Variants in PSD3 observed in about 807,000 individuals in gnomAD.
The protein encoded by PSD3 is pleckstrin and Sec7 domain containing 3, also known as PH and SEC7 domain-containing protein 3.
Under a neutral mutation model 105.5 loss-of-function variants are expected in PSD3, and 49 were observed. The ratio of observed to expected loss-of-function variants is 0.46; its 90% CI spans 0.37 to 0.59. PSD3 has a LOEUF of 0.59. Among genes scored for constraint, PSD3 ranks in the 20% least tolerant of loss-of-function variants. The probability of loss-of-function intolerance (pLI) is 0.00; values close to 1 mark genes in which losing one functional copy is unlikely to be tolerated. For missense variants in PSD3, 1,561 were observed against 1,263.8 expected (o/e 1.24, Z -3.57); for synonymous variants, 557 against 457.8 (o/e 1.22, Z -2.77).
At chr8:19,012,497 C>A (rs1826997920) in intron 1 of PSD3, among the ~76,000 whole-genome samples, 1 of 152,144 alleles carries the variant, frequency 6.6e-6, no homozygotes, top group Non-Finnish European at 1.5e-5. Context: ...TCACAAAAAT[C>A]CAATCAACCC....
intron 9 of PSD3, among the ~76,000 whole-genome samples, chr8:18,730,942 TAATG>T (rs1803701838): frequency 6.6e-6 from 1 of 152,138 alleles, no homozygotes; most frequent in Non-Finnish European, 1.5e-5. Flanking sequence ...AGGTCGAAAG[TAATG>T]TTTATTTTTA....
intron 15 of PSD3, among the ~76,000 whole-genome samples, chr8:18,540,504 T>C (rs112160716): frequency 3.0e-4 from 45 of 152,292 alleles, no homozygotes; most frequent in African/African-American, 1.1e-3. Context: ...AATTTGACAA[T>C]AAAAGCTTTG....
intron 12 of PSD3, among the ~76,000 whole-genome samples, chr8:18,585,149 T>A (rs1304007101): frequency 6.6e-6 from 1 of 152,074 alleles, no homozygotes; most frequent in Non-Finnish European, 1.5e-5. Flanking sequence ...CTATCTGAAG[T>A]GGAAACAAAG....
At position 18,916,054 on chromosome 8, in the gene PSD3, C is replaced by A. The variant is rs549123701; in HGVS notation, c.130+19980G>T. On this transcript the variant is annotated intron_variant, in intron 2 of 15. Coordinates refer to ENST00000327040, the MANE Select transcript of PSD3 (RefSeq NM_015310.4). ...GAGGTTGCAGTGAGCGGAGATCGTGCCATTGCACTCCAGCCTGGGCAAAAA... is the reference window on the plus strand; with the variant it reads ...GAGGTTGCAGTGAGCGGAGATCGTGACATTGCACTCCAGCCTGGGCAAAAA... 1.1e-4 allele frequency among the ~76,000 whole-genome samples: 16 copies of A among 151,922 alleles called. No homozygotes were observed. In the South Asian group the frequency reaches 3.3e-3, roughly 32 times the overall value.
chr8:18,865,273 TATATATATATATA>T (rs1554524870), intron 4 of PSD3: 40 of 3,928 alleles, frequency 0.01, 2 homozygotes, highest in African/African-American at 0.021. Flanking sequence ...TATATATATA[TATATATATATATA>T]TTTTTTTTTT....
At chr8:18,954,811 A>T (rs1403910745) in intron 1 of PSD3, among the ~76,000 whole-genome samples, 1 of 152,198 alleles carries the variant, frequency 6.6e-6, no homozygotes, top group East Asian at 1.9e-4. Flanking sequence ...ATTCTGATAC[A>T]GACGGTTCAA....
intron 8 of PSD3, among the ~76,000 whole-genome samples, chr8:18,779,088 T>G (rs931087031): frequency 6.6e-6 from 1 of 152,158 alleles, no homozygotes; most frequent in Non-Finnish European, 1.5e-5. Context: ...GGGCTCAAGC[T>G]TTTCTCTGTT....
Position 18,693,319 on chromosome 8 carries a change from C to G in PSD3, c.2173-37634G>C, listed in dbSNP as rs151317333. ...CCAAGCCCCAAATCATGGTTTCTAC[C>G]AGGTCAACAGCACATAAGGCGGCAG... is the stretch of plus-strand genomic sequence containing the variant. On this transcript the variant is annotated intron_variant, in intron 9 of 15. Transcript: ENST00000327040. 1.1e-3 allele frequency among the ~76,000 whole-genome samples: 172 copies of G among 152,286 alleles called. 3 individuals are homozygous for G. The highest frequency in any genetic ancestry group is 2.7e-3 in the Admixed American group (41 of 15,288).
intron 9 of PSD3, chr8:18,721,000 A>G (rs1293890768): frequency 6.6e-6 from 1 of 152,182 alleles, no homozygotes; most frequent in Non-Finnish European, 1.5e-5. Context: ...TTCATCTGTC[A>G]ATGTGAACAA....
intron 1 of PSD3, among the ~76,000 whole-genome samples, chr8:18,962,777 A>G (rs1408311268): frequency 6.6e-6 from 1 of 152,244 alleles, no homozygotes; most frequent in Non-Finnish European, 1.5e-5. Flanking sequence ...CAATGGGCTA[A>G]CAACTTTATC....
At chr8:18,917,082 C>A (rs768083159) in intron 2 of PSD3, among the ~76,000 whole-genome samples, 1 of 152,164 alleles carries the variant, frequency 6.6e-6, no homozygotes, top group Non-Finnish European at 1.5e-5. Flanking sequence ...TCCCTCCCAT[C>A]CACCCAGCTG....
At chr8:19,048,477 A>C (rs1828402460) in intron 1 of PSD3, among the ~76,000 whole-genome samples, 1 of 152,260 alleles carries the variant, frequency 6.6e-6, no homozygotes, top group Admixed American at 6.5e-5. Context: ...AAGGGGGCTC[A>C]GCTGCTGAAT....
intron 10 of PSD3, among the ~76,000 whole-genome samples, chr8:18,634,137 GT>G (rs1484624360): frequency 2.6e-5 from 4 of 151,888 alleles, no homozygotes; most frequent in Admixed American, 2.6e-4. Context: ...TTGTTGAATT[GT>G]TTAGGTTCCT....
chr8:18,885,888 TC>T (rs2129459100), intron 2 of PSD3, among the ~76,000 whole-genome samples: 1 of 152,302 alleles, frequency 6.6e-6, no homozygotes, highest in East Asian at 1.9e-4. Flanking sequence ...GTTACAAACT[TC>T]CAGTAAAGAT....
chr8:18,587,933 T>G (rs1411982374), intron 12 of PSD3, among the ~76,000 whole-genome samples: 3 of 152,146 alleles, frequency 2.0e-5, no homozygotes, highest in East Asian at 3.9e-4. Flanking sequence ...CACATGCTGG[T>G]AGATTAGGCT....
rs539485311 is a variant in PSD3 at position 19,070,855 on chromosome 8, T to C, written c.324+13351A>G. On this transcript the variant is annotated intron_variant, in intron 1 of 1. Transcript: ENST00000521475. ...TTGAATCCAGGACATTGTATCCAGA[T>C]AATCAATCTAGGTGTATTCATCCAT... is the stretch of plus-strand genomic sequence containing the variant. Among the ~76,000 whole-genome samples, 26 of 152,332 alleles carry C rather than the reference T, an allele frequency of 1.7e-4. No individual in the cohort carries two copies. The South Asian group carries it at 4.8e-3, about 28-fold the overall frequency.
At chr8:18,795,094 T>A (rs1220842095) in intron 8 of PSD3, among the ~76,000 whole-genome samples, 2 of 152,294 alleles carry the variant, frequency 1.3e-5, no homozygotes, top group East Asian at 3.9e-4. Context: ...AACTCCACAT[T>A]TTTTTAACAC....
chr8:18,689,451 G>A (rs998687869), intron 9 of PSD3, among the ~76,000 whole-genome samples: 1 of 152,148 alleles, frequency 6.6e-6, no homozygotes, highest in Non-Finnish European at 1.5e-5. Context: ...ATGAACTCTG[G>A]AGAAAAGCTA....
chr8:18,561,373 G>A (rs1348709042), intron 14 of PSD3, among the ~76,000 whole-genome samples: 1 of 152,098 alleles, frequency 6.6e-6, no homozygotes, highest in Non-Finnish European at 1.5e-5. Flanking sequence ...AAGTAAGACC[G>A]GCACAGAAAG....
Sources: allele counts gnomAD v4.1 joint callset (sites outside exome capture counted in the v4.1 genomes callset), GRCh38; gene constraint gnomAD v4.1.1; transcripts MANE v1.5; gene names NCBI Gene and HGNC (gene_info 2026-07-23, HGNC 2026-07-21).